The following CAPN15 variants were observed in gnomAD, a reference collection of about 807,000 sequenced individuals.
The protein encoded by CAPN15 is calpain 15, also known as calpain-15.
In CAPN15, 53 loss-of-function variants were observed where a neutral mutation model predicts 97.9. The observed-to-expected ratio is 0.54, with a 90% confidence interval of 0.43 to 0.68. CAPN15 has a LOEUF of 0.68. CAPN15 is among the 30% of genes least tolerant of loss of function. The pLI, the probability that CAPN15 is intolerant of heterozygous loss-of-function variation, is 0.00. For synonymous variants in CAPN15, 922 were observed against 722.5 expected, an observed-to-expected ratio of 1.28 and a Z score of -4.43; for missense variants, 1,592 against 1,589.8, an observed-to-expected ratio of 1.00 and a Z score of -0.02.
At chr16:540,877 C>T (rs1204059640) in intron 3 of CAPN15, among the ~76,000 whole-genome samples, 1 of 152,216 alleles carries the variant, frequency 6.6e-6, no homozygotes, top group Non-Finnish European at 1.5e-5. Context: ...TTCTGAGGTG[C>T]CTGGTCTGGA....
At chr16:549,889 C>A in intron 7 of CAPN15, 51 bp downstream of exon 7, 1 of 1,416,512 alleles carries the variant, frequency 7.1e-7, no homozygotes, top group Non-Finnish European at 9.7e-7. Flanking sequence ...AGAGGCGAGG[C>A]GGAGCGGTGG....
intron 1 of CAPN15, among the ~76,000 whole-genome samples, chr16:531,692 A>G (rs1461403410): frequency 7.3e-6 from 1 of 136,626 alleles, no homozygotes; most frequent in Non-Finnish European, 1.5e-5. Context: ...AGGTGCCCCC[A>G]GGGCCACACG....
intron 4 of CAPN15, 101 bp from the exon 5 acceptor site, chr16:548,892 C>T (rs2034796531): frequency 9.3e-7 from 1 of 1,078,282 alleles, no homozygotes; most frequent in East Asian, 2.4e-5. Flanking sequence ...CTTTGGGGCT[C>T]AGGCAGTGCT....
Position 552,781 on chromosome 16 carries a change from G to C in CAPN15, c.2904+10G>C, listed in dbSNP as rs755866551. ...CGGAGAGCGGCACGAGGTGGGTGGG[G>C]GTCCCGGGGGAGGGTGGCGTGGGGC... On this transcript the variant is annotated intron_variant, in intron 12 of 13. Transcript: ENST00000219611. This position sits in a 1 kb window ranked among gnomAD's most constrained non-coding sequence, Gnocchi z 6.4. The C allele has an allele frequency of 9.2e-6, 14 of 1,525,840 alleles. No individual in the cohort carries two copies. The highest frequency in any genetic ancestry group is 1.1e-5 in the Non-Finnish European group (13 of 1,133,060). 94.5% of individuals were successfully genotyped at this position (1,525,840 alleles called of 1,614,324 possible).
At chr16:534,939 C>T (rs535709956) in intron 2 of CAPN15, among the ~76,000 whole-genome samples, 7 of 152,214 alleles carry the variant, frequency 4.6e-5, no homozygotes, top group African/African-American at 1.4e-4. Flanking sequence ...GAGTGGGACA[C>T]GCCTGTGTCA....
In CAPN15 at chr16:541,363, G is replaced by A. The variant is rs536846940; in HGVS notation, c.-23+5221G>A. 3.9e-5 allele frequency among the ~76,000 whole-genome samples: 6 copies of A among 152,202 alleles called. No individual in the cohort carries two copies. In the South Asian group the frequency reaches 1.2e-3, roughly 32 times the overall value. ...CGATGAACAGGGAGACGCGGCAGAG[G>A]CAGGGCCGGGGAGGGGCCGTGTGGG... On this transcript the variant is annotated intron_variant, in intron 3 of 13. Coordinates refer to ENST00000219611, the MANE Select transcript of CAPN15 (RefSeq NM_005632.3).
rs750294152 is a variant in CAPN15, at chr16:552,027, GC to G, written c.2346-20del. 27 of 1,546,058 alleles carry G rather than the reference GC, an allele frequency of 1.7e-5. No homozygotes were observed. In the East Asian group the frequency reaches 5.4e-4, roughly 31 times the overall value. Reference sequence around the variant, plus strand: ...AGGTGTGGGCCGTGGTAGGCTCAGGGCCCCGTCCTCCCGCCACCTGCAGGTA... The same window carrying G: ...AGGTGTGGGCCGTGGTAGGCTCAGGGCCCGTCCTCCCGCCACCTGCAGGTA... On this transcript the variant is annotated intron_variant, in intron 9 of 13. Coordinates refer to ENST00000219611, the MANE Select transcript of CAPN15 (RefSeq NM_005632.3). This position sits in a 1 kb window ranked among gnomAD's most constrained non-coding sequence, Gnocchi z 6.4.
chr16:542,773 G>C (rs779450648), intron 3 of CAPN15, among the ~76,000 whole-genome samples: 1 of 151,970 alleles, frequency 6.6e-6, no homozygotes, highest in Non-Finnish European at 1.5e-5. Context: ...AAAAAATTTG[G>C]CCAGGCGCAG....
intron 3 of CAPN15, among the ~76,000 whole-genome samples, chr16:541,709 C>G (rs1253841288): frequency 6.6e-6 from 1 of 152,248 alleles, no homozygotes; most frequent in African/African-American, 2.4e-5. Context: ...TTGCAGCATT[C>G]CACAGCCCAC....
intron 1 of CAPN15, among the ~76,000 whole-genome samples, chr16:533,409 C>A (rs1325148625): frequency 6.6e-6 from 1 of 152,282 alleles, no homozygotes; most frequent in East Asian, 1.9e-4. Flanking sequence ...GAAGCAGTGG[C>A]CGCCCTGCTG....
Position 548,051 on chromosome 16 carries a change from G to T in CAPN15, c.1213G>T (p.Ala405Ser), listed in dbSNP as rs1026529682. 6 of 1,553,624 alleles carry T rather than the reference G, an allele frequency of 3.9e-6. No homozygotes were observed. In the African/African-American group the frequency reaches 6.8e-5, roughly 18 times the overall value. ...CGGACGGGTGTCCTCGGCCCAGAAG[G>T]CCGCCCGCGTCCTGCCCGAGCGCCC... ...SCGRVSSAQK[A>S]ARVLPERPGQ... Residue 405 changes from alanine (A) to serine (S), a missense_variant, in exon 4 of 14, where the codon GCC (alanine) becomes TCC (serine). By Grantham distance (99) the Ala-to-Ser change is moderately conservative. Coordinates refer to ENST00000219611, the MANE Select transcript of CAPN15 (RefSeq NM_005632.3).
Position 552,032 on chromosome 16 carries a change from G to A in CAPN15, c.2346-19G>A, listed in dbSNP as rs79077651. On this transcript the variant is annotated intron_variant, in intron 9 of 13. Coordinates refer to ENST00000219611, the MANE Select transcript of CAPN15 (RefSeq NM_005632.3). The surrounding 1 kb of genome is among the most constrained non-coding windows in gnomAD (Gnocchi z 6.4). ...TGGGCCGTGGTAGGCTCAGGGCCCC[G>A]TCCTCCCGCCACCTGCAGGTACTTC... is the stretch of plus-strand genomic sequence containing the variant. 10,633 of 1,546,632 alleles carry A rather than the reference G, an allele frequency of 6.9e-3. 585 individuals are homozygous for A. In the Admixed American group the frequency reaches 0.12, roughly 18 times the overall value.
rs764217563 is a variant in CAPN15, at chr16:552,804, G to A, written c.2904+33G>A. The A allele has an allele frequency of 2.6e-6, 4 of 1,531,854 alleles. No homozygotes were observed. The highest frequency in any genetic ancestry group is 2.0e-5 in the Admixed American group (1 of 49,330). 94.9% of individuals were successfully genotyped at this position (1,531,854 alleles called of 1,614,324 possible). A position where few individuals can be genotyped will look rare whatever the true frequency, so the allele number is the denominator to read the frequency against. On this transcript the variant is annotated intron_variant, in intron 12 of 13. Coordinates refer to ENST00000219611, the MANE Select transcript of CAPN15 (RefSeq NM_005632.3). The surrounding 1 kb of genome is among the most constrained non-coding windows in gnomAD (Gnocchi z 6.4). ...GGGGTCCCGGGGGAGGGTGGCGTGG[G>A]GCAGGGGGAGTATGCCCCAGCACCT...
intron 3 of CAPN15, among the ~76,000 whole-genome samples, chr16:544,797 T>TCTCCCCCACGTCGC (rs1248247267): frequency 1.4e-4 from 2 of 14,064 alleles, no homozygotes; most frequent in Non-Finnish European, 2.2e-4. Flanking sequence ...CACGTCGTCG[T>TCTCCCCCACGTCGC]CTCCCCCACG....
At position 552,723 on chromosome 16, in the gene CAPN15, G is replaced by A. The variant is rs1250300248; in HGVS notation, c.2856G>A (p.Leu952=). Residue 952 remains leucine, a synonymous_variant, in exon 12 of 14, where the codon CTG becomes CTA. Transcript: ENST00000219611. This position sits in a 1 kb window ranked among gnomAD's most constrained non-coding sequence, Gnocchi z 6.4. The stretch of plus-strand genomic sequence containing the variant: ...CCGTGGAAGCCCAGCCGACCACGCT[G>A]GCCGACGCCATCATCCTGCTCACCG... ...VEPVEAQPTT[L]ADAIILLTES... 3.2e-6 allele frequency: 5 copies of A among 1,544,586 alleles called. No individual in the cohort carries two copies. The highest frequency in any genetic ancestry group is 2.6e-6 in the Non-Finnish European group (3 of 1,145,866).
rs1175296806 is a variant in CAPN15 at position 551,145 on chromosome 16, C to T, written c.2067-157C>T. Among the ~76,000 whole-genome samples, 16 of 124,200 alleles carry T rather than the reference C, an allele frequency of 1.3e-4. 1 individual carries two copies. The highest frequency in any genetic ancestry group is 7.4e-4 in the East Asian group (3 of 4,036). 81.5% of individuals were successfully genotyped at this position (124,200 alleles called of 152,430 possible). ...GGCCCCTGTTGGTGAGGGCCCCGGT[C>T]GGTGAGGGCGCCCCGTCGGTGAGGG... On this transcript the variant is annotated intron_variant, in intron 7 of 13. Coordinates refer to ENST00000219611, the MANE Select transcript of CAPN15 (RefSeq NM_005632.3).
In CAPN15 at chr16:547,281, C is replaced by T. The variant is rs371353587; in HGVS notation, c.443C>T (p.Ala148Val). Reference protein sequence around the residue: ...EGAAEPRGGWACPRCTLHNTP... With the variant: ...EGAAEPRGGWVCPRCTLHNTP... ...GCGGCGGAGCCCAGAGGGGGCTGGGCGTGTCCGCGTTGCACGCTGCACAAC... is the reference window on the plus strand; with the variant it reads ...GCGGCGGAGCCCAGAGGGGGCTGGGTGTGTCCGCGTTGCACGCTGCACAAC... Residue 148 changes from alanine to valine, a missense_variant, in exon 4 of 14, where the codon GCG (alanine) becomes GTG (valine). Ala to Val is a moderately conservative substitution (Grantham distance 64, BLOSUM62 0). Transcript: ENST00000219611. The T allele has an allele frequency of 8.6e-6, 13 of 1,510,506 alleles. No homozygotes were observed. Among genetic ancestry groups the T allele is most frequent in the East Asian group, 4.9e-5 (2 of 40,870 alleles). 93.6% of individuals were successfully genotyped at this position (1,510,506 alleles called of 1,614,324 possible).
chr16:552,313 C>T lies in CAPN15; in HGVS notation c.2520C>T (p.Ala840=), dbSNP rs9930550. The change falls in exon 11 of 14, where the codon GCC becomes GCT. Residue 840 remains alanine, a synonymous_variant. Transcript: ENST00000219611. The surrounding 1 kb of genome is among the most constrained non-coding windows in gnomAD (Gnocchi z 6.4). Reference sequence around the variant, plus strand: ...GTGTCTGGCGCAGGCGCTCGGACGCCGTGGACAGCCACCTGCTGGACCTGT... The same window carrying T: ...GTGTCTGGCGCAGGCGCTCGGACGCTGTGGACAGCCACCTGCTGGACCTGT... ...LFQEGSRRSD[A]VDSHLLDLCI... The T allele has an allele frequency of 3.3e-5, 51 of 1,564,614 alleles. No homozygotes were observed. The highest frequency in any genetic ancestry group is 1.7e-4 in the Middle Eastern group (1 of 6,022).
intron 9 of CAPN15, 73 bp from the exon 10 acceptor site, chr16:551,978 G>C: frequency 1.4e-6 from 2 of 1,472,234 alleles, no homozygotes; most frequent in Non-Finnish European, 1.8e-6. Flanking sequence ...CCGGCCTGTG[G>C]TTGCGGTAGG....
Sources: gnomAD v4.1 joint callset for allele counts (sites outside exome capture counted in the v4.1 genomes callset) on GRCh38, gnomAD v4.1.1 for gene constraint, Gnocchi (gnomAD v3.1) non-coding constraint, MANE v1.5 for transcripts, NCBI Gene and HGNC (gene_info 2026-07-23, HGNC 2026-07-21) for gene names.